MYO16: variants seen among roughly 807,000 people sequenced by gnomAD.
MYO16 encodes the protein myosin XVI.
In MYO16, 94 loss-of-function variants were observed where a neutral mutation model predicts 205.3. The observed-to-expected ratio is 0.46, with a 90% CI of 0.39 to 0.54. The LOEUF (loss-of-function observed/expected upper bound fraction) is 0.54. Ranked by LOEUF, MYO16 falls within the 20% of genes least tolerant of loss-of-function variation. The pLI is 0.00. For synonymous variants in MYO16, 988 were observed against 954.0 expected (o/e 1.04, Z -0.66); for missense variants, 2,315 against 2,387.5 (o/e 0.97, Z 0.63).
At chr13:108,809,692 G>T (rs1324504477) in intron 7 of MYO16, among the ~76,000 whole-genome samples, 1 of 152,168 alleles carries the variant, frequency 6.6e-6, no homozygotes. Context: ...ACCAGGCCAC[G>T]CTTCCAACAC....
In MYO16 at chr13:108,882,714, TGA is replaced by T. The variant is rs577940068; in HGVS notation, c.1426-340_1426-339del. Among the ~76,000 whole-genome samples the T allele has an allele frequency of 1.1e-4, 17 of 152,320 alleles. No homozygotes were observed. In the South Asian group the frequency reaches 3.5e-3, roughly 32 times the overall value. ...TTATGGTATTGAAATTAAATACTGCTGAGAGAAATTGTATTTGTTGTAAATTA... is the reference window on the plus strand; with the variant it reads ...TTATGGTATTGAAATTAAATACTGCTGAGAAATTGTATTTGTTGTAAATTA... On this transcript the variant is annotated intron_variant, in intron 12 of 34. Transcript: ENST00000457511.
At chr13:108,950,699 C>T (rs9583312) in intron 16 of MYO16, among the ~76,000 whole-genome samples, 6,746 of 152,220 alleles carry the variant, frequency 0.044, 208 homozygotes, top group Middle Eastern at 0.21. Context: ...TCTCAGCATC[C>T]GACCAAGAGA....
intron 2 of MYO16, among the ~76,000 whole-genome samples, chr13:108,668,413 T>C (rs1881834419): frequency 6.6e-6 from 1 of 152,158 alleles, no homozygotes; most frequent in South Asian, 2.1e-4. Context: ...AGGGAGTGTA[T>C]TGATTTTCTA....
intron 27 of MYO16, among the ~76,000 whole-genome samples, chr13:109,074,017 A>G (rs889333553): frequency 1.3e-5 from 2 of 150,214 alleles, no homozygotes; most frequent in African/African-American, 4.9e-5. Context: ...AGGAGAAACC[A>G]TTTTGGTTTT....
chr13:108,527,464 A>G, the MYO16 span, among the ~76,000 whole-genome samples: 4 of 152,208 alleles, frequency 2.6e-5, no homozygotes, highest in African/African-American at 9.6e-5. Context: ...ACTCCTTATT[A>G]AACTGTTAAT....
chr13:109,038,345 A>G (rs1886778705), intron 23 of MYO16, among the ~76,000 whole-genome samples: 1 of 152,114 alleles, frequency 6.6e-6, no homozygotes. Context: ...GGTGGGCACC[A>G]CCTAATCCCT....
chr13:108,574,478 C>A, the MYO16 span, among the ~76,000 whole-genome samples: 1 of 151,936 alleles, frequency 6.6e-6, no homozygotes, highest in African/African-American at 2.4e-5. Context: ...CTCATAGAAC[C>A]CATTAAACAT....
rs1876994162 is a variant in MYO16 at position 109,140,433 on chromosome 13, C to G, written c.4221C>G (p.Arg1407=). ...RPAGAPGAAA[R]VLTPGTPQCA... is the part of the protein sequence containing the mutation. Reference sequence around the variant, plus strand: ...CGGGCGCCCCGGGGGCAGCAGCGCGCGTTCTGACCCCCGGGACTCCGCAGT... The same window carrying G: ...CGGGCGCCCCGGGGGCAGCAGCGCGGGTTCTGACCCCCGGGACTCCGCAGT... The change falls in exon 32 of 35, where the codon CGC becomes CGG. Residue 1407 remains arginine (R), a synonymous_variant. Transcript: ENST00000457511. The surrounding 1 kb of genome is among the most constrained non-coding windows in gnomAD (Gnocchi z 8.0). 6.4e-7 allele frequency: 1 copy of G among 1,559,174 alleles called. No individual in the cohort carries two copies. The highest frequency in any genetic ancestry group is 8.6e-7 in the Non-Finnish European group (1 of 1,159,756).
intron 2 of MYO16, among the ~76,000 whole-genome samples, chr13:108,707,761 C>T (rs1175329616): frequency 2.6e-5 from 4 of 152,144 alleles, no homozygotes; most frequent in Non-Finnish European, 4.4e-5. Context: ...AAAATCTTAG[C>T]AGTTTTTCTC....
chr13:109,130,101 CA>C (rs1876460091), intron 31 of MYO16, among the ~76,000 whole-genome samples: 1 of 151,746 alleles, frequency 6.6e-6, no homozygotes, highest in Non-Finnish European at 1.5e-5. Context: ...AAAGTGACCC[CA>C]AAAAAGATTA....
At chr13:108,572,882 CACA>C in the MYO16 span, among the ~76,000 whole-genome samples, 11 of 152,266 alleles carry the variant, frequency 7.2e-5, no homozygotes, top group East Asian at 1.7e-3. Context: ...TCTGTCCAAC[CACA>C]ACAAGTGCTA....
chr13:108,718,229 T>G (rs1355273306), intron 3 of MYO16, among the ~76,000 whole-genome samples: 1 of 152,134 alleles, frequency 6.6e-6, no homozygotes, highest in Non-Finnish European at 1.5e-5. Flanking sequence ...TTTAAAAATG[T>G]CTAGGTATTA....
chr13:108,548,238 T>C, the MYO16 span, among the ~76,000 whole-genome samples: 1 of 148,780 alleles, frequency 6.7e-6, no homozygotes, highest in Non-Finnish European at 1.5e-5. Context: ...GTGGTGGTGG[T>C]GGTGGTGGCA....
At chr13:108,500,455 C>T in the MYO16 span, among the ~76,000 whole-genome samples, 1 of 151,780 alleles carries the variant, frequency 6.6e-6, no homozygotes, top group African/African-American at 2.4e-5. Context: ...GTCTTGAACT[C>T]CTGACATCGT....
intron 21 of MYO16, among the ~76,000 whole-genome samples, chr13:109,004,048 C>G (rs768403247): frequency 1.3e-5 from 2 of 152,108 alleles, no homozygotes; most frequent in African/African-American, 4.8e-5. Flanking sequence ...TCCTGTTTAT[C>G]GAACTTCTTA....
At chr13:108,870,518 T>G in intron 12 of MYO16, among the ~76,000 whole-genome samples, 1 of 152,104 alleles carries the variant, frequency 6.6e-6, no homozygotes, top group East Asian at 1.9e-4. Context: ...AGGCCTGGTA[T>G]TTTCTTTGCA....
chr13:108,750,989 G>A (rs1164158949), intron 4 of MYO16, among the ~76,000 whole-genome samples: 5 of 152,018 alleles, frequency 3.3e-5, no homozygotes, highest in African/African-American at 9.7e-5. Context: ...ATGAACTCAT[G>A]TTTAGCTTAA....
In MYO16 at chr13:109,162,692, C is replaced by T. The variant is rs1334280087; in HGVS notation, c.5165-2209C>T. Among the ~76,000 whole-genome samples, 2 of 152,124 alleles carry T rather than the reference C, an allele frequency of 1.3e-5. No individual in the cohort carries two copies. Among genetic ancestry groups the T allele is most frequent in the Non-Finnish European group, 2.9e-5 (2 of 68,036 alleles). On this transcript the variant is annotated intron_variant, in intron 32 of 34. Coordinates refer to ENST00000457511, the MANE Select transcript of MYO16 (RefSeq NM_001198950.3). This position sits in a 1 kb window ranked among gnomAD's most constrained non-coding sequence, Gnocchi z 4.6. The stretch of plus-strand genomic sequence containing the variant: ...AGTGGTATTCATTATGTATCTCCCG[C>T]ACTCAGTGAGTATCTGGCACATAGT...
intron 18 of MYO16, 95 bp from the exon 19 acceptor site, chr13:108,962,329 C>G: frequency 1.1e-6 from 1 of 880,356 alleles, no homozygotes; most frequent in Non-Finnish European, 1.8e-6. Flanking sequence ...TGTAATGTGC[C>G]TATATAAAAC....
Sources: allele counts gnomAD v4.1 joint callset (sites outside exome capture counted in the v4.1 genomes callset), GRCh38; gene constraint gnomAD v4.1.1; non-coding constraint Gnocchi (gnomAD v3.1); transcripts MANE v1.5; gene names NCBI Gene and HGNC (gene_info 2026-07-23, HGNC 2026-07-21).